Variants in KDM4C observed in about 807,000 individuals in gnomAD.
The protein encoded by KDM4C is lysine-specific demethylase 4C.
KDM4C carries 81 observed loss-of-function variants against 129.3 expected under a neutral mutation model. The ratio of observed to expected loss-of-function variants is 0.63; its 90% CI spans 0.52 to 0.75. The LOEUF is 0.75. Among genes scored for constraint, KDM4C ranks in the 30% least tolerant of loss-of-function variants. The pLI, the probability that KDM4C is intolerant of heterozygous loss-of-function variation, is 0.00. For missense variants in KDM4C, 1,457 were observed against 1,304.0 expected, an observed-to-expected ratio of 1.12 and a Z score of -1.81; for synonymous variants, 573 against 456.1, an observed-to-expected ratio of 1.26 and a Z score of -3.26.
chr9:7,058,007 A>G (rs1266626152), intron 17 of KDM4C, among the ~76,000 whole-genome samples: 3 of 152,218 alleles, frequency 2.0e-5, no homozygotes, highest in Admixed American at 1.3e-4. Context: ...TTTGGGGCCT[A>G]GAGAATGACT....
At chr9:6,959,478 G>A (rs1829663427) in intron 8 of KDM4C, among the ~76,000 whole-genome samples, 1 of 152,150 alleles carries the variant, frequency 6.6e-6, no homozygotes. Flanking sequence ...TGTCTTGCTT[G>A]TCGTTATCTT....
intron 4 of KDM4C, chr9:6,834,841 C>T: frequency 7.2e-7 from 1 of 1,382,112 alleles, no homozygotes; most frequent in Non-Finnish European, 1.0e-6. Flanking sequence ...CCTTCATCAC[C>T]CCAGCCATGT....
chr9:7,108,276 A>T (rs1837923837), intron 18 of KDM4C, among the ~76,000 whole-genome samples: 2 of 151,966 alleles, frequency 1.3e-5, no homozygotes, highest in South Asian at 4.2e-4. Context: ...TTACTCTGTT[A>T]CCCAGGCTGG....
chr9:6,734,256 A>C (rs537694413), intron 1 of KDM4C, among the ~76,000 whole-genome samples: 1 of 151,720 alleles, frequency 6.6e-6, no homozygotes, highest in South Asian at 2.1e-4. Flanking sequence ...CAGGATGAAA[A>C]AGGAGTGGAA....
At chr9:6,977,115 T>C (rs955062878) in intron 8 of KDM4C, among the ~76,000 whole-genome samples, 10 of 152,190 alleles carry the variant, frequency 6.6e-5, no homozygotes, top group African/African-American at 1.2e-4. Context: ...CCCAAAGTTC[T>C]GGGACTACAG....
At chr9:6,875,004 C>T (rs1843339322) in intron 5 of KDM4C, among the ~76,000 whole-genome samples, 1 of 151,416 alleles carries the variant, frequency 6.6e-6, no homozygotes, top group Admixed American at 6.6e-5. Context: ...CTGAAGTAGA[C>T]GTTTGATTGA....
At chr9:6,753,361 G>A (rs1818137172), upstream of KDM4C, among the ~76,000 whole-genome samples, 5 of 152,232 alleles carry the variant, frequency 3.3e-5, no homozygotes, top group South Asian at 1.0e-3. Context: ...TATAAACACT[G>A]ACTTCTATCT....
intron 12 of KDM4C, among the ~76,000 whole-genome samples, chr9:6,993,145 T>C (rs944114694): frequency 2.0e-5 from 3 of 152,188 alleles, no homozygotes; most frequent in African/African-American, 7.2e-5. Flanking sequence ...AGATTTTCCA[T>C]GTTGAACAGC....
intron 17 of KDM4C, among the ~76,000 whole-genome samples, chr9:7,051,090 A>T (rs1830094812): frequency 1.3e-5 from 2 of 152,186 alleles, no homozygotes; most frequent in Non-Finnish European, 2.9e-5. Flanking sequence ...GATCTGTGAA[A>T]TATTTTTGGA....
At chr9:7,162,854 T>G (rs1380227806) in intron 19 of KDM4C, among the ~76,000 whole-genome samples, 5 of 152,062 alleles carry the variant, frequency 3.3e-5, no homozygotes, top group Admixed American at 1.3e-4. Context: ...CTGTTGGGAT[T>G]CGAGAAGGAC....
chr9:6,925,006 C>T, intron 8 of KDM4C: 1 of 985,334 alleles, frequency 1.0e-6, no homozygotes, highest in Non-Finnish European at 1.2e-6. Flanking sequence ...GAATCTTAGG[C>T]TTCCTACTTC....
chr9:6,738,046 A>G (rs1020774965), intron 1 of KDM4C, among the ~76,000 whole-genome samples: 1 of 151,890 alleles, frequency 6.6e-6, no homozygotes, highest in Non-Finnish European at 1.5e-5. Flanking sequence ...GGGCATGAGA[A>G]TCACTTGAAC....
chr9:7,014,357 T>A (rs1823255523), intron 14 of KDM4C: 1 of 172,576 alleles, frequency 5.8e-6, no homozygotes, highest in Non-Finnish European at 1.2e-5. Context: ...TGATGACTGC[T>A]TTTCTTTGTG....
At chr9:6,991,866 T>C (rs1232488724) in intron 12 of KDM4C, among the ~76,000 whole-genome samples, 2 of 152,182 alleles carry the variant, frequency 1.3e-5, no homozygotes, top group Non-Finnish European at 2.9e-5. Context: ...GGAGACCCTG[T>C]ATCATAAAAA....
intron 10 of KDM4C, among the ~76,000 whole-genome samples, chr9:6,985,431 A>G (rs1256047371): frequency 6.6e-6 from 1 of 152,246 alleles, no homozygotes; most frequent in African/African-American, 2.4e-5. Context: ...GAGCTAGGCA[A>G]ATAACCACAT....
intron 3 of KDM4C, among the ~76,000 whole-genome samples, chr9:6,813,883 C>A (rs1228873872): frequency 2.0e-5 from 3 of 152,070 alleles, no homozygotes; most frequent in East Asian, 3.8e-4. Context: ...ATGTCAGTAT[C>A]TTGAAAGAGC....
chr9:7,060,423 A>G (rs997647473), intron 17 of KDM4C, among the ~76,000 whole-genome samples: 35 of 150,322 alleles, frequency 2.3e-4, no homozygotes, highest in African/African-American at 7.3e-4. Flanking sequence ...TACTAATTCT[A>G]AATCAGGGAT....
intron 9 of KDM4C, chr9:6,982,249 A>C (rs974858804): frequency 6.7e-6 from 1 of 149,524 alleles, no homozygotes; most frequent in Non-Finnish European, 1.5e-5. Flanking sequence ...TTTTCTGCTT[A>C]TTTAGAGTGG....
chr9:6,840,905 G>C (rs1564136039), intron 4 of KDM4C, among the ~76,000 whole-genome samples: 1 of 152,202 alleles, frequency 6.6e-6, no homozygotes, highest in East Asian at 1.9e-4. Flanking sequence ...AGCAAGCTTT[G>C]AGAGAGGCAA....
Sources: allele counts gnomAD v4.1 joint callset (sites outside exome capture counted in the v4.1 genomes callset), GRCh38; gene constraint gnomAD v4.1.1; transcripts MANE v1.5; gene names NCBI Gene and HGNC (gene_info 2026-07-23, HGNC 2026-07-21).